The following SMYD3 variants were observed in gnomAD, a reference collection of about 807,000 sequenced individuals.
The protein encoded by SMYD3 is histone-lysine N-methyltransferase SMYD3.
SMYD3 carries 36 observed loss-of-function variants against 57.7 expected under a neutral mutation model. The observed-to-expected ratio is 0.62, with a 90% CI of 0.48 to 0.82. The LOEUF (loss-of-function observed/expected upper bound fraction) is 0.82, where lower values mean the gene tolerates loss of function less well. Ranked by LOEUF, SMYD3 falls within the 40% of genes least tolerant of loss-of-function variation. SMYD3 has a pLI of 0.00. For synonymous variants in SMYD3, 211 were observed against 195.0 expected, an observed-to-expected ratio of 1.08 and a Z score of -0.68; for missense variants, 515 against 538.8, an observed-to-expected ratio of 0.96 and a Z score of 0.44.
chr1:246,263,610 T>C (rs79095684), intron 5 of SMYD3, among the ~76,000 whole-genome samples: 6,727 of 152,274 alleles, frequency 0.044, 230 homozygotes, highest in African/African-American at 0.086. Flanking sequence ...ACAAACATAC[T>C]TTTTCATACT....
chr1:245,924,292 A>C (rs1156900740), intron 7 of SMYD3, among the ~76,000 whole-genome samples: 2 of 152,172 alleles, frequency 1.3e-5, no homozygotes, highest in Admixed American at 1.3e-4. Flanking sequence ...TCTCTGTAGG[A>C]GGCGGCTGAA....
intron 5 of SMYD3, among the ~76,000 whole-genome samples, chr1:246,125,279 C>T (rs2148044879): frequency 6.6e-6 from 1 of 152,270 alleles, no homozygotes; most frequent in South Asian, 2.1e-4. Context: ...ATAATGAATA[C>T]TATTTAAGTC....
intron 8 of SMYD3, among the ~76,000 whole-genome samples, chr1:245,877,630 A>G (rs2052558092): frequency 6.6e-6 from 1 of 152,178 alleles, no homozygotes; most frequent in Admixed American, 6.5e-5. Context: ...TAACAAGATG[A>G]TAACCTGGGA....
chr1:246,235,733 G>A (rs2063504018), intron 5 of SMYD3, among the ~76,000 whole-genome samples: 2 of 152,116 alleles, frequency 1.3e-5, no homozygotes, highest in South Asian at 4.1e-4. Context: ...GGAAGGGGAG[G>A]GCTGGGGAAA....
intron 5 of SMYD3, among the ~76,000 whole-genome samples, chr1:246,256,966 T>C (rs1198845223): frequency 6.6e-6 from 1 of 152,204 alleles, no homozygotes; most frequent in African/African-American, 2.4e-5. Context: ...CATGTAACTG[T>C]GGTTTTGAGT....
intron 5 of SMYD3, among the ~76,000 whole-genome samples, chr1:246,301,624 A>G (rs918090693): frequency 2.0e-5 from 3 of 152,196 alleles, no homozygotes; most frequent in Admixed American, 1.3e-4. Context: ...GTTACGTGCT[A>G]TAAGGGAACA....
chr1:246,240,069 T>G (rs2063581078), intron 5 of SMYD3, among the ~76,000 whole-genome samples: 1 of 152,242 alleles, frequency 6.6e-6, no homozygotes, highest in Non-Finnish European at 1.5e-5. Context: ...TAGGTTCTTT[T>G]GCTATGCAGA....
At chr1:246,114,899 G>C (rs1011267126) in intron 5 of SMYD3, among the ~76,000 whole-genome samples, 1 of 105,898 alleles carries the variant, frequency 9.4e-6, no homozygotes, top group Non-Finnish European at 2.7e-5. Flanking sequence ...CAAAGTACTA[G>C]GATTACAGGC....
intron 1 of SMYD3, among the ~76,000 whole-genome samples, chr1:246,436,899 T>TC (rs1491500815): frequency 8.6e-6 from 1 of 115,618 alleles, no homozygotes; most frequent in Non-Finnish European, 1.8e-5. Context: ...AGAGTTTCTT[T>TC]CTTTTTTTTT....
At chr1:246,384,723 A>G (rs901499463) in intron 1 of SMYD3, among the ~76,000 whole-genome samples, 3 of 152,158 alleles carry the variant, frequency 2.0e-5, no homozygotes, top group Non-Finnish European at 4.4e-5. Flanking sequence ...ATGTGTGTAT[A>G]TATATCAATA....
intron 5 of SMYD3, among the ~76,000 whole-genome samples, chr1:246,125,758 G>A (rs946152): frequency 0.067 from 10,119 of 151,982 alleles, 655 homozygotes; most frequent in South Asian, 0.18. Context: ...TGGTGAGAGG[G>A]ATCCTGAATA....
chr1:246,416,018 A>C (rs760775481), intron 1 of SMYD3, among the ~76,000 whole-genome samples: 9 of 152,212 alleles, frequency 5.9e-5, no homozygotes, highest in Non-Finnish European at 1.3e-4. Flanking sequence ...AGGTTGGTGC[A>C]AAAGGAACTG....
intron 5 of SMYD3, among the ~76,000 whole-genome samples, chr1:245,993,848 G>T (rs2058866532): frequency 6.6e-6 from 1 of 152,122 alleles, no homozygotes; most frequent in Non-Finnish European, 1.5e-5. Flanking sequence ...CAGTGGGAAT[G>T]TATTTAATGT....
chr1:246,150,056 C>G (rs1432707485), intron 5 of SMYD3, among the ~76,000 whole-genome samples: 1 of 152,120 alleles, frequency 6.6e-6, no homozygotes, highest in African/African-American at 2.4e-5. Context: ...TTTTAACTTA[C>G]CTTACAGGGA....
chr1:246,382,153 C>A (rs1202536367), intron 1 of SMYD3, among the ~76,000 whole-genome samples: 1 of 142,362 alleles, frequency 7.0e-6, no homozygotes, highest in Non-Finnish European at 1.5e-5. Context: ...AGGCTCCGGG[C>A]CAGTTCCTAT....
At chr1:246,142,444 C>A (rs932982813) in intron 5 of SMYD3, among the ~76,000 whole-genome samples, 2 of 151,966 alleles carry the variant, frequency 1.3e-5, no homozygotes, top group African/African-American at 4.8e-5. Flanking sequence ...AAATTGACAG[C>A]GCTAGTCTTG....
intron 8 of SMYD3, among the ~76,000 whole-genome samples, chr1:245,914,080 C>T (rs1933526): frequency 0.7 from 105,896 of 152,096 alleles, 41,574 homozygotes; most frequent in Non-Finnish European, 0.89. Flanking sequence ...CAAAAAAAGA[C>T]ACCTAGGAAT....
intron 5 of SMYD3, among the ~76,000 whole-genome samples, chr1:246,244,862 G>C (rs1298875910): frequency 6.6e-6 from 1 of 151,808 alleles, no homozygotes; most frequent in Non-Finnish European, 1.5e-5. Context: ...CTATGAATTG[G>C]GTTTATATGG....
At chr1:245,849,942 T>G (rs555749773) in intron 10 of SMYD3, among the ~76,000 whole-genome samples, 2 of 149,400 alleles carry the variant, frequency 1.3e-5, no homozygotes, top group Admixed American at 6.8e-5. Flanking sequence ...CGTGAGCCAC[T>G]GTGTCCGGCC....
Sources: gnomAD v4.1 joint callset for allele counts (sites outside exome capture counted in the v4.1 genomes callset) on GRCh38, gnomAD v4.1.1 for gene constraint, MANE v1.5 for transcripts, NCBI Gene and HGNC (gene_info 2026-07-23, HGNC 2026-07-21) for gene names.